The following SOAT1 variants were observed in gnomAD, a reference collection of about 807,000 sequenced individuals.
The protein encoded by SOAT1 is sterol O-acyltransferase 1.
A neutral mutation model predicts 69.5 loss-of-function variants in SOAT1; 55 were observed. The ratio of observed to expected loss-of-function variants is 0.79; its 90% confidence interval spans 0.64 to 0.99. The LOEUF (loss-of-function observed/expected upper bound fraction) is 0.99. Among genes scored for constraint, SOAT1 ranks in the 50% least tolerant of loss-of-function variants. SOAT1 has a pLI of 0.00. For synonymous variants in SOAT1, 231 were observed against 224.7 expected, an observed-to-expected ratio of 1.03 and a Z score of -0.25; for missense variants, 580 against 669.3, an observed-to-expected ratio of 0.87 and a Z score of 1.47.
chr1:179,345,573 T>TTTC (rs1441335580), intron 11 of SOAT1, among the ~76,000 whole-genome samples: 1 of 152,006 alleles, frequency 6.6e-6, no homozygotes, highest in East Asian at 1.9e-4. Flanking sequence ...CTTGCCTTTT[T>TTTC]TTTTTTTGAA....
chr1:179,308,626 C>T (rs895710246), intron 2 of SOAT1, among the ~76,000 whole-genome samples: 59 of 149,054 alleles, frequency 4.0e-4, no homozygotes, highest in African/African-American at 1.3e-3. Context: ...GAGCCGAGAC[C>T]GCGCCACTGC....
chr1:179,332,670 T>G (rs1666009797), intron 3 of SOAT1, among the ~76,000 whole-genome samples: 1 of 152,088 alleles, frequency 6.6e-6, no homozygotes, highest in Non-Finnish European at 1.5e-5. Flanking sequence ...GATAAGCAAA[T>G]TAGAAAGACT....
At chr1:179,295,632 G>A (rs930055456) in intron 1 of SOAT1, among the ~76,000 whole-genome samples, 12 of 152,206 alleles carry the variant, frequency 7.9e-5, no homozygotes, top group Non-Finnish European at 1.2e-4. Context: ...GCGAAACAGA[G>A]TACAATAAGA....
chr1:179,296,908 T>C (rs1444568598), intron 1 of SOAT1, among the ~76,000 whole-genome samples: 1 of 152,242 alleles, frequency 6.6e-6, no homozygotes, highest in Non-Finnish European at 1.5e-5. Context: ...GTTAGATGCT[T>C]ATCACACTGA....
intron 2 of SOAT1, among the ~76,000 whole-genome samples, chr1:179,311,333 T>G (rs768465669): frequency 1.7e-4 from 26 of 152,164 alleles, no homozygotes; most frequent in Non-Finnish European, 3.4e-4. Flanking sequence ...ACCACTGCAC[T>G]CCAACCTGGG....
At chr1:179,304,436 T>A (rs1032286162) in intron 2 of SOAT1, among the ~76,000 whole-genome samples, 1 of 151,902 alleles carries the variant, frequency 6.6e-6, no homozygotes, top group Non-Finnish European at 1.5e-5. Flanking sequence ...CGTCACCACG[T>A]GCAGATAATT....
chr1:179,345,359 C>T (rs541993931), intron 11 of SOAT1, among the ~76,000 whole-genome samples: 1 of 152,322 alleles, frequency 6.6e-6, no homozygotes, highest in East Asian at 1.9e-4. Flanking sequence ...TCATTGTAAT[C>T]TTGCTCCTGA....
intron 3 of SOAT1, among the ~76,000 whole-genome samples, chr1:179,329,874 C>A (rs2124975195): frequency 6.6e-6 from 1 of 152,218 alleles, no homozygotes; most frequent in Non-Finnish European, 1.5e-5. Flanking sequence ...ATAATAGGGG[C>A]TTATACAAGA....
chr1:179,294,935 T>C (rs1295051869), intron 1 of SOAT1, among the ~76,000 whole-genome samples: 1 of 144,288 alleles, frequency 6.9e-6, no homozygotes, highest in Non-Finnish European at 1.5e-5. Context: ...AGAATTCAAT[T>C]TGAAGCTTTT....
At chr1:179,323,755 C>T (rs143373613) in intron 3 of SOAT1, among the ~76,000 whole-genome samples, 2 of 152,252 alleles carry the variant, frequency 1.3e-5, no homozygotes, top group African/African-American at 4.8e-5. Flanking sequence ...CCCACGTTAA[C>T]AGTTGATAGC....
intron 4 of SOAT1, among the ~76,000 whole-genome samples, chr1:179,335,880 C>T (rs957253641): frequency 6.6e-5 from 10 of 152,088 alleles, no homozygotes; most frequent in African/African-American, 1.9e-4. Context: ...ACACTAATGC[C>T]GGGCACAGTG....
Position 179,333,561 on chromosome 1 carries a change from C to T in SOAT1, c.178-1945C>T, listed in dbSNP as rs563676926. On this transcript the variant is annotated intron_variant, in intron 3 of 15. Coordinates refer to ENST00000367619, the MANE Select transcript of SOAT1 (RefSeq NM_003101.6). ...TATTTAAAAAGGTAAAAGTTTCAGG[C>T]GGGGCACGGTGGCTCACGTCTGTAA... Among the ~76,000 whole-genome samples the T allele has an allele frequency of 5.3e-5, 8 of 152,062 alleles. No homozygotes were observed. In the South Asian group the frequency reaches 1.5e-3, roughly 28 times the overall value.
intron 3 of SOAT1, among the ~76,000 whole-genome samples, chr1:179,330,972 A>C (rs991162325): frequency 6.6e-6 from 1 of 152,242 alleles, no homozygotes; most frequent in Non-Finnish European, 1.5e-5. Context: ...GTGCCCAGAT[A>C]GAAATCAGGG....
chr1:179,324,841 C>T (rs1007869572), intron 3 of SOAT1, among the ~76,000 whole-genome samples: 12 of 152,222 alleles, frequency 7.9e-5, no homozygotes, highest in Non-Finnish European at 1.2e-4. Flanking sequence ...GAGTCTCTGT[C>T]GCCCAGGCTA....
At chr1:179,306,002 G>A (rs1664989616) in intron 2 of SOAT1, among the ~76,000 whole-genome samples, 1 of 152,212 alleles carries the variant, frequency 6.6e-6, no homozygotes, top group Admixed American at 6.5e-5. Flanking sequence ...TAGATTTTGA[G>A]TTTGGCCTTT....
At chr1:179,342,261 C>G (rs1262134388) in intron 8 of SOAT1, 69 bp downstream of exon 8, 8 of 852,222 alleles carry the variant, frequency 9.4e-6, no homozygotes, top group Non-Finnish European at 1.0e-5. Flanking sequence ...CATTCCCTTC[C>G]CTTCCCTTCC....
intron 3 of SOAT1, among the ~76,000 whole-genome samples, chr1:179,333,285 G>A (rs1666031794): frequency 2.0e-5 from 3 of 152,016 alleles, no homozygotes; most frequent in South Asian, 4.1e-4. Flanking sequence ...ATCCTGCCGA[G>A]CTTCATTTAT....
chr1:179,325,346 G>T (rs1043062813), intron 3 of SOAT1, among the ~76,000 whole-genome samples: 19 of 150,724 alleles, frequency 1.3e-4, no homozygotes, highest in African/African-American at 3.9e-4. Context: ...TAGAGACGGG[G>T]TTTCACCGTG....
rs931785905 is a variant in SOAT1 at position 179,354,071 on chromosome 1, T to C, written c.*430T>C. ...GGCTTAGAAATTTTTTCATGCACAC[T>C]GTTGGAATGTATGCTAATTGAACAT... is the stretch of plus-strand genomic sequence containing the variant. On this transcript the variant is annotated 3_prime_UTR_variant, in exon 16 of 16. Transcript: ENST00000367619. The C allele has an allele frequency of 1.3e-5, 2 of 157,666 alleles. No homozygotes were observed. Among genetic ancestry groups the C allele is most frequent in the Non-Finnish European group, 2.8e-5 (2 of 71,710 alleles). 9.8% of individuals were successfully genotyped at this position (157,666 alleles called of 1,614,324 possible). A position where few individuals can be genotyped will look rare whatever the true frequency, so the allele number is the denominator to read the frequency against.
Sources: allele counts gnomAD v4.1 joint callset (sites outside exome capture counted in the v4.1 genomes callset), GRCh38; gene constraint gnomAD v4.1.1; transcripts MANE v1.5; gene names NCBI Gene and HGNC (gene_info 2026-07-23, HGNC 2026-07-21).